The following UBE2E2 variants were observed in gnomAD, a reference collection of about 807,000 sequenced individuals.
UBE2E2 encodes ubiquitin conjugating enzyme E2 E2.
UBE2E2 carries 6 observed loss-of-function variants against 24.7 expected under a neutral mutation model. The ratio of observed to expected loss-of-function variants is 0.24; its 90% CI spans 0.13 to 0.48. The LOEUF is 0.48. UBE2E2 is among the 20% of genes least tolerant of loss of function. The pLI is 0.99. For synonymous variants in UBE2E2, 104 were observed against 83.6 expected (o/e 1.24, Z -1.33); for missense variants, 169 against 245.0 (o/e 0.69, Z 2.07).
intron 3 of UBE2E2, among the ~76,000 whole-genome samples, chr3:23,440,645 G>T (rs904441796): frequency 1.3e-5 from 2 of 152,144 alleles, no homozygotes; most frequent in African/African-American, 2.4e-5. Context: ...AAGATACTGA[G>T]AAAAAGGATA....
At chr3:23,382,145 T>A (rs1239875152) in intron 3 of UBE2E2, among the ~76,000 whole-genome samples, 1 of 152,002 alleles carries the variant, frequency 6.6e-6, no homozygotes, top group Non-Finnish European at 1.5e-5. Context: ...ACTAAGGTGA[T>A]TTACACTACT....
chr3:23,289,303 A>G (rs1272985237), intron 3 of UBE2E2, among the ~76,000 whole-genome samples: 2 of 152,220 alleles, frequency 1.3e-5, no homozygotes, highest in Admixed American at 1.3e-4. Context: ...AAGGTCTGTT[A>G]TGCTTTTCTT....
intron 3 of UBE2E2, among the ~76,000 whole-genome samples, chr3:23,238,416 A>G (rs1424181202): frequency 6.6e-6 from 1 of 152,182 alleles, no homozygotes; most frequent in Non-Finnish European, 1.5e-5. Context: ...TGCAAATGTA[A>G]AGAGTTATAT....
chr3:23,293,221 G>A (rs1698817061), intron 3 of UBE2E2, among the ~76,000 whole-genome samples: 1 of 152,202 alleles, frequency 6.6e-6, no homozygotes, highest in African/African-American at 2.4e-5. Context: ...AACAGATTAA[G>A]TAAAAAGTTA....
chr3:23,222,826 A>T (rs1463646324), intron 3 of UBE2E2, among the ~76,000 whole-genome samples: 2 of 142,714 alleles, frequency 1.4e-5, no homozygotes, highest in East Asian at 4.2e-4. Context: ...ACTAATTTAC[A>T]TCCCAACAAC....
At chr3:23,514,910 G>GTTTA (rs944506596) in intron 4 of UBE2E2, among the ~76,000 whole-genome samples, 3 of 152,158 alleles carry the variant, frequency 2.0e-5, no homozygotes, top group African/African-American at 7.2e-5. Flanking sequence ...ACTGCAGTTT[G>GTTTA]TCTTCAGTTT....
intron 3 of UBE2E2, among the ~76,000 whole-genome samples, chr3:23,451,260 A>G (rs73138492): frequency 0.042 from 6,377 of 152,278 alleles, 475 homozygotes; most frequent in African/African-American, 0.15. Flanking sequence ...TGCTCATGTC[A>G]AATTTGTCCT....
At chr3:23,573,120 C>G (rs1396050571) in intron 5 of UBE2E2, among the ~76,000 whole-genome samples, 1 of 151,878 alleles carries the variant, frequency 6.6e-6, no homozygotes, top group East Asian at 1.9e-4. Context: ...TATAGTGATA[C>G]AAATCAGGAG....
chr3:23,295,095 AT>A (rs1698874473), intron 3 of UBE2E2, among the ~76,000 whole-genome samples: 1 of 152,006 alleles, frequency 6.6e-6, no homozygotes, highest in African/African-American at 2.4e-5. Flanking sequence ...TGTTATTGCT[AT>A]TTTCCATCTC....
chr3:23,500,052 A>G (rs1219841678), intron 4 of UBE2E2, among the ~76,000 whole-genome samples: 1 of 152,178 alleles, frequency 6.6e-6, no homozygotes, highest in Non-Finnish European at 1.5e-5. Context: ...AGGTTGGGCC[A>G]GGGTGAGTAC....
At position 23,559,246 on chromosome 3, in the gene UBE2E2, T is replaced by C. The variant is rs549682023; in HGVS notation, c.508+26545T>C. On this transcript the variant is annotated intron_variant, in intron 5 of 5. Coordinates refer to ENST00000396703, the MANE Select transcript of UBE2E2 (RefSeq NM_152653.4). ...TTGAGAGTTGGCTTTTTTGTACCTT[T>C]TATGGAATTCAAGTGCATTTGATTA... is the stretch of plus-strand genomic sequence containing the variant. 1.4e-4 allele frequency among the ~76,000 whole-genome samples: 21 copies of C among 152,302 alleles called. No homozygotes were observed. In the South Asian group the frequency reaches 2.9e-3, roughly 21 times the overall value.
intron 3 of UBE2E2, among the ~76,000 whole-genome samples, chr3:23,495,231 A>G (rs1326404993): frequency 6.6e-6 from 1 of 152,168 alleles, no homozygotes; most frequent in Non-Finnish European, 1.5e-5. Flanking sequence ...ACTTCAAAGA[A>G]CCAATAAAAC....
chr3:23,521,792 T>G (rs1017020910), intron 4 of UBE2E2, among the ~76,000 whole-genome samples: 8 of 152,112 alleles, frequency 5.3e-5, no homozygotes, highest in African/African-American at 1.9e-4. Context: ...CTTCTTCCAA[T>G]GTAGCCCAGG....
chr3:23,389,700 G>A (rs1403542708), intron 3 of UBE2E2: 3 of 236,066 alleles, frequency 1.3e-5, no homozygotes, highest in Non-Finnish European at 2.6e-5. Context: ...CACTTCCATC[G>A]CTGCCTTCTC....
intron 1 of UBE2E2, among the ~76,000 whole-genome samples, chr3:23,207,274 T>A (rs1696175411): frequency 6.6e-6 from 1 of 152,182 alleles, no homozygotes; most frequent in Non-Finnish European, 1.5e-5. Flanking sequence ...TTTCACTTAC[T>A]GGAATTGTTT....
intron 3 of UBE2E2, among the ~76,000 whole-genome samples, chr3:23,286,070 T>G (rs987332093): frequency 1.6e-4 from 24 of 152,228 alleles, no homozygotes; most frequent in African/African-American, 5.8e-4. Flanking sequence ...TTATATATTC[T>G]GGTAATCCCT....
At chr3:23,556,646 G>A (rs1487953074) in intron 5 of UBE2E2, among the ~76,000 whole-genome samples, 1 of 151,960 alleles carries the variant, frequency 6.6e-6, no homozygotes, top group Non-Finnish European at 1.5e-5. Context: ...AGGTTAAAGA[G>A]TCCTCCCTTA....
chr3:23,470,356 G>A (rs116096282), intron 3 of UBE2E2, among the ~76,000 whole-genome samples: 132 of 152,280 alleles, frequency 8.7e-4, no homozygotes, highest in African/African-American at 2.9e-3. Flanking sequence ...GGTCTATATG[G>A]TGTGATTCCA....
intron 3 of UBE2E2, among the ~76,000 whole-genome samples, chr3:23,231,257 A>C (rs1244864613): frequency 6.6e-6 from 1 of 152,070 alleles, no homozygotes; most frequent in African/African-American, 2.4e-5. Flanking sequence ...TAATTTATAT[A>C]CTTCATTGGC....
Sources: gnomAD v4.1 joint callset for allele counts (sites outside exome capture counted in the v4.1 genomes callset) on GRCh38, gnomAD v4.1.1 for gene constraint, MANE v1.5 for transcripts, NCBI Gene and HGNC (gene_info 2026-07-23, HGNC 2026-07-21) for gene names.